DNAJC6: variants seen among roughly 807,000 people sequenced by gnomAD.
DNAJC6 encodes the protein auxilin.
A neutral mutation model predicts 110.0 loss-of-function variants in DNAJC6; 34 were observed. The observed-to-expected ratio is 0.31, with a 90% CI of 0.24 to 0.41. The LOEUF is 0.41. DNAJC6 is among the 10% of genes least tolerant of loss of function. The probability of loss-of-function intolerance (pLI) is 1.00; values close to 1 mark genes in which losing one functional copy is unlikely to be tolerated. For synonymous variants in DNAJC6, 406 were observed against 437.2 expected (o/e 0.93, Z 0.89); for missense variants, 1,031 against 1,207.8 (o/e 0.85, Z 2.17).
At chr1:65,411,462 G>T in intron 18 of DNAJC6, 36 bp downstream of exon 18, 1 of 1,578,090 alleles carries the variant, frequency 6.3e-7, no homozygotes, top group Non-Finnish European at 8.7e-7. Context: ...AACTTGTCAG[G>T]TCCTTGCTTC....
At chr1:65,399,882 T>C (rs1413052993) in intron 14 of DNAJC6, among the ~76,000 whole-genome samples, 3 of 152,180 alleles carry the variant, frequency 2.0e-5, no homozygotes, top group Non-Finnish European at 4.4e-5. Context: ...CTGTTTTTAA[T>C]TTAAAAATTT....
rs1389626855 is a variant in DNAJC6, at chr1:65,415,446, C to T, written c.*2421C>T. ...TGGATTTATACGTAATCACTCCTGC[C>T]CCAACACACACACACACACACACAC... On this transcript the variant is annotated 3_prime_UTR_variant, in exon 19 of 19. Coordinates refer to ENST00000371069, the MANE Select transcript of DNAJC6 (RefSeq NM_001256864.2). The T allele has an allele frequency of 1.0e-5, 1 of 99,760 alleles. No individual in the cohort carries two copies. The highest frequency in any genetic ancestry group is 2.0e-5 in the Non-Finnish European group (1 of 51,090). 6.2% of individuals were successfully genotyped at this position (99,760 alleles called of 1,614,324 possible).
Position 65,311,228 on chromosome 1 carries a change from T to G in DNAJC6, c.193+1290T>G, listed in dbSNP as rs566621158. On this transcript the variant is annotated intron_variant, in intron 1 of 18. Coordinates refer to ENST00000371069, the MANE Select transcript of DNAJC6 (RefSeq NM_001256864.2). Reference sequence around the variant, plus strand: ...GGTTTCAGGACTGTTTTTTTTTTTTTTTTTTTTTTTTTTTGAGGCGGAGTC... The same window carrying G: ...GGTTTCAGGACTGTTTTTTTTTTTTGTTTTTTTTTTTTTTGAGGCGGAGTC... 2.9e-3 allele frequency among the ~76,000 whole-genome samples: 391 copies of G among 136,434 alleles called. 7 individuals carry two copies. Among genetic ancestry groups the G allele is most frequent in the African/African-American group, 0.01 (369 of 35,838 alleles). The allele number at this position is 136,434 out of a possible 152,430, so 89.5% of individuals were successfully genotyped here.
chr1:65,389,009 G>A (rs140466413), intron 9 of DNAJC6, among the ~76,000 whole-genome samples: 2 of 152,296 alleles, frequency 1.3e-5, no homozygotes, highest in African/African-American at 4.8e-5. Flanking sequence ...CATCAGCCCT[G>A]CTTTCCAGAA....
chr1:65,322,956 GA>G (rs1462649430), intron 1 of DNAJC6, among the ~76,000 whole-genome samples: 3 of 152,092 alleles, frequency 2.0e-5, no homozygotes, highest in African/African-American at 7.2e-5. Context: ...AAAACACAAA[GA>G]AAAAATAAAA....
rs144241118 is a variant in DNAJC6 at position 65,300,591 on chromosome 1, G to A, written c.-131+35659G>A. Among the ~76,000 whole-genome samples the A allele has an allele frequency of 1.8e-4, 28 of 152,310 alleles. No individual in the cohort carries two copies. In the East Asian group the frequency reaches 5.4e-3, roughly 29 times the overall value. On this transcript the variant is annotated intron_variant, in intron 1 of 19. Coordinates refer to the DNAJC6 transcript ENST00000263441. ...AGCATAGAAGATGGAGAGCAACATT[G>A]AGGATCACTAGCAATCACTGCTTAG...
At chr1:65,296,527 T>C (rs1236066388) in intron 1 of DNAJC6, among the ~76,000 whole-genome samples, 1 of 152,174 alleles carries the variant, frequency 6.6e-6, no homozygotes, top group African/African-American at 2.4e-5. Flanking sequence ...AGAACATCTT[T>C]TCATAGGTTG....
At chr1:65,307,549 CAG>C (rs1402808493), upstream of DNAJC6, among the ~76,000 whole-genome samples, 1 of 152,022 alleles carries the variant, frequency 6.6e-6, no homozygotes, top group Non-Finnish European at 1.5e-5. Context: ...TTTTTTGAGA[CAG>C]GGTCTCAGTC....
Position 65,374,746 on chromosome 1 carries a change from T to TCTA in DNAJC6, c.544-4655_544-4654insTAC, listed in dbSNP as rs145501228. On this transcript the variant is annotated intron_variant, in intron 4 of 18. Transcript: ENST00000371069. The stretch of plus-strand genomic sequence containing the variant: ...TTCGAACAAGGGTAATTTGACTTCT[T>TCTA]CCTTTCCAATTTAGATGTCCTTTAT... Among the ~76,000 whole-genome samples, 8 of 152,320 alleles carry TCTA rather than the reference T, an allele frequency of 5.3e-5. No homozygotes were observed. In the East Asian group the frequency reaches 1.4e-3, roughly 26 times the overall value.
At chr1:65,311,159 T>C (rs1645095580) in intron 1 of DNAJC6, among the ~76,000 whole-genome samples, 1 of 150,930 alleles carries the variant, frequency 6.6e-6, no homozygotes, top group East Asian at 1.9e-4. Flanking sequence ...GACATTCTCT[T>C]AGACCATTTT....
chr1:65,337,109 C>A lies in DNAJC6; in HGVS notation c.193+27171C>A, dbSNP rs1025285099. Among the ~76,000 whole-genome samples, 4 of 150,786 alleles carry A rather than the reference C, an allele frequency of 2.7e-5. No individual in the cohort carries two copies. The East Asian group carries it at 7.8e-4, about 29-fold the overall frequency. ...CCCTGTGGTGTCACTTAACCTGTTC[C>A]TTTGTCCTCTGTGTTCCCGGTAGAT... On this transcript the variant is annotated intron_variant, in intron 1 of 18. Transcript: ENST00000371069.
At chr1:65,397,700 G>A (rs764678237) in intron 13 of DNAJC6, among the ~76,000 whole-genome samples, 3 of 152,090 alleles carry the variant, frequency 2.0e-5, no homozygotes, top group East Asian at 1.9e-4. Flanking sequence ...CAGATAGAAC[G>A]TACTAGCAAA....
chr1:65,366,267 TA>T, intron 4 of DNAJC6, 71 bp downstream of exon 4: 1 of 1,536,190 alleles, frequency 6.5e-7, no homozygotes, highest in Non-Finnish European at 8.9e-7. Flanking sequence ...GAGATACCCT[TA>T]AAGCACGTGC....
chr1:65,285,432 C>T (rs1346237240), intron 1 of DNAJC6, among the ~76,000 whole-genome samples: 2 of 152,154 alleles, frequency 1.3e-5, no homozygotes, highest in African/African-American at 2.4e-5. Flanking sequence ...AGACCCTTTC[C>T]CACAGTTTAT....
At chr1:65,407,142 G>T (rs78370367) in intron 16 of DNAJC6, among the ~76,000 whole-genome samples, 2 of 152,022 alleles carry the variant, frequency 1.3e-5, no homozygotes, top group African/African-American at 2.4e-5. Context: ...ATGAAACCTC[G>T]CACTGTCTTA....
chr1:65,400,141 C>T (rs142467215), intron 14 of DNAJC6, among the ~76,000 whole-genome samples: 1,639 of 152,304 alleles, frequency 0.011, 22 homozygotes, highest in African/African-American at 0.038. Context: ...GATCACACCA[C>T]TGCACTCCAG....
At chr1:65,306,210 G>T (rs979107740), upstream of DNAJC6, among the ~76,000 whole-genome samples, 1 of 151,794 alleles carries the variant, frequency 6.6e-6, no homozygotes, top group Non-Finnish European at 1.5e-5. Flanking sequence ...ACCACGCCTG[G>T]TTATTTTTTT....
At chr1:65,303,400 A>G (rs1421221815) in intron 1 of DNAJC6, among the ~76,000 whole-genome samples, 1 of 152,188 alleles carries the variant, frequency 6.6e-6, no homozygotes, top group Admixed American at 6.5e-5. Flanking sequence ...CATTTAAGAA[A>G]TCTTGGGGTA....
chr1:65,353,425 C>T (rs540998305), intron 1 of DNAJC6, among the ~76,000 whole-genome samples: 2 of 152,168 alleles, frequency 1.3e-5, no homozygotes, highest in Non-Finnish European at 2.9e-5. Context: ...TCAAATTAAG[C>T]AATATCCATG....
Sources: allele counts gnomAD v4.1 joint callset (sites outside exome capture counted in the v4.1 genomes callset), GRCh38; gene constraint gnomAD v4.1.1; transcripts MANE v1.5; gene names NCBI Gene and HGNC (gene_info 2026-07-23, HGNC 2026-07-21).